The following HSD17B12 variants were observed in gnomAD, a reference collection of about 807,000 sequenced individuals.
HSD17B12 encodes hydroxysteroid 17-beta dehydrogenase 12, also known as very-long-chain 3-oxoacyl-CoA reductase.
HSD17B12 carries 32 observed loss-of-function variants against 39.3 expected under a neutral mutation model. The ratio of observed to expected loss-of-function variants is 0.81; its 90% CI spans 0.61 to 1.09. The LOEUF (loss-of-function observed/expected upper bound fraction) is 1.09. Ranked by LOEUF, HSD17B12 falls within the 50% of genes least tolerant of loss-of-function variation. The pLI is 0.00. For missense variants in HSD17B12, 342 were observed against 382.9 expected (o/e 0.89, Z 0.89); for synonymous variants, 150 against 146.7 (o/e 1.02, Z -0.16).
intron 1 of HSD17B12, among the ~76,000 whole-genome samples, chr11:43,684,855 C>G (rs1298653045): frequency 6.6e-6 from 1 of 152,196 alleles, no homozygotes; most frequent in Non-Finnish European, 1.5e-5. Context: ...GCCCTTCACT[C>G]CCTGACCCCC....
chr11:43,618,339 T>C, the HSD17B12 span, among the ~76,000 whole-genome samples: 1 of 152,210 alleles, frequency 6.6e-6, no homozygotes, highest in Non-Finnish European at 1.5e-5. Context: ...CTTGTCCTGG[T>C]TGAAGAAGAA....
At chr11:43,675,128 TACTAATGA>T in the HSD17B12 span, among the ~76,000 whole-genome samples, 1 of 152,238 alleles carries the variant, frequency 6.6e-6, no homozygotes, top group Non-Finnish European at 1.5e-5. Flanking sequence ...AAGTTCACTG[TACTAATGA>T]ACTTACATTC....
At chr11:43,588,703 G>T in the HSD17B12 span, among the ~76,000 whole-genome samples, 5 of 150,922 alleles carry the variant, frequency 3.3e-5, no homozygotes, top group African/African-American at 4.9e-5. Flanking sequence ...AGCATAAGCA[G>T]CTATAGGACC....
At chr11:43,825,826 A>T (rs745808930) in intron 6 of HSD17B12, among the ~76,000 whole-genome samples, 1 of 152,224 alleles carries the variant, frequency 6.6e-6, no homozygotes, top group Non-Finnish European at 1.5e-5. Context: ...TCCAAAAATG[A>T]GAGAGTAGTT....
the HSD17B12 span, among the ~76,000 whole-genome samples, chr11:43,596,595 G>A: frequency 6.6e-6 from 1 of 151,684 alleles, no homozygotes; most frequent in South Asian, 2.1e-4. Context: ...ATGATACCTG[G>A]CTAATTTTTT....
intron 9 of HSD17B12, among the ~76,000 whole-genome samples, chr11:43,844,560 CAA>C (rs796417997): frequency 1.2e-4 from 15 of 127,660 alleles, no homozygotes; most frequent in Non-Finnish European, 1.2e-4. Flanking sequence ...AAAGTCCAGT[CAA>C]AAAAAAAAAA....
At chr11:43,795,748 T>G (rs2135040082) in intron 3 of HSD17B12, among the ~76,000 whole-genome samples, 1 of 152,318 alleles carries the variant, frequency 6.6e-6, no homozygotes, top group South Asian at 2.1e-4. Context: ...GTGCCATTGT[T>G]GAGCAACTGA....
chr11:43,680,755 G>T lies in HSD17B12; in HGVS notation c.-73G>T. On this transcript the variant is annotated 5_prime_UTR_variant, in exon 1 of 11. Transcript: ENST00000278353. ...CTATTAGTGTCATCCTCACCGTCAC[G>T]GCCGGCGCCTCCTCCTGGATTCATT... 7.2e-7 allele frequency: 1 copy of T among 1,384,128 alleles called. No individual in the cohort carries two copies. Among genetic ancestry groups the T allele is most frequent in the East Asian group, 2.3e-5 (1 of 43,338 alleles). The allele number at this position is 1,384,128 out of a possible 1,614,324, so 85.7% of individuals were successfully genotyped here.
At chr11:43,750,394 T>C (rs1950454983) in intron 1 of HSD17B12, among the ~76,000 whole-genome samples, 1 of 152,196 alleles carries the variant, frequency 6.6e-6, no homozygotes, top group Admixed American at 6.5e-5. Context: ...TATTTTCTTT[T>C]TTATTGCTGT....
At chr11:43,578,185 G>A in the HSD17B12 span, among the ~76,000 whole-genome samples, 4 of 152,300 alleles carry the variant, frequency 2.6e-5, no homozygotes, top group African/African-American at 9.6e-5. Context: ...TGTACGTGCA[G>A]GAATATTTTA....
At position 43,855,247 on chromosome 11, in the gene HSD17B12, A is replaced by T; in HGVS notation, c.938A>T (p.Ter313LeuextTer7). 1 of 1,584,848 alleles carries T rather than the reference A, an allele frequency of 6.3e-7. No homozygotes were observed. Among genetic ancestry groups the T allele is most frequent in the Non-Finnish European group, 8.6e-7 (1 of 1,158,158 alleles). ...AHYLKKTKKN[*>L] ...TATCTGAAGAAAACCAAGAAGAACT[A>T]AGCATTGATAACTGCATTGTAACTT... Residue 313 changes from the stop codon to leucine, a stop_lost, in exon 11 of 11, where the codon TAA becomes TTA. Transcript: ENST00000278353.
the HSD17B12 span, among the ~76,000 whole-genome samples, chr11:43,672,032 G>C: frequency 6.6e-6 from 1 of 152,088 alleles, no homozygotes; most frequent in African/African-American, 2.4e-5. Flanking sequence ...AGAGTAGAAA[G>C]AGCCCTTCTT....
At chr11:43,824,875 A>G (rs2095349132) in intron 6 of HSD17B12, among the ~76,000 whole-genome samples, 2 of 152,106 alleles carry the variant, frequency 1.3e-5, no homozygotes, top group African/African-American at 4.8e-5. Flanking sequence ...ACGTGCCTGT[A>G]ATCCCAGCTA....
At chr11:43,650,872 G>A in the HSD17B12 span, among the ~76,000 whole-genome samples, 2 of 152,172 alleles carry the variant, frequency 1.3e-5, no homozygotes, top group Admixed American at 6.5e-5. Flanking sequence ...TTTATATTTT[G>A]CAGCATTCTG....
At chr11:43,843,601 A>G (rs1951447029) in intron 9 of HSD17B12, among the ~76,000 whole-genome samples, 1 of 152,050 alleles carries the variant, frequency 6.6e-6, no homozygotes, top group African/African-American at 2.4e-5. Context: ...TGAAGTGCCC[A>G]TGACTGGCTC....
chr11:43,654,997 G>C, the HSD17B12 span, among the ~76,000 whole-genome samples: 2 of 152,176 alleles, frequency 1.3e-5, no homozygotes, highest in African/African-American at 4.8e-5. Flanking sequence ...ACCTTGGGCA[G>C]TATGGCCATT....
chr11:43,651,319 C>G, the HSD17B12 span, among the ~76,000 whole-genome samples: 1 of 152,154 alleles, frequency 6.6e-6, no homozygotes, highest in Non-Finnish European at 1.5e-5. Context: ...TGCTGGAGGT[C>G]AAACAATACT....
chr11:43,842,548 C>A (rs1951436834), intron 9 of HSD17B12, among the ~76,000 whole-genome samples: 1 of 152,104 alleles, frequency 6.6e-6, no homozygotes, highest in Non-Finnish European at 1.5e-5. Context: ...TTCCTTGACA[C>A]CAGTCATTTT....
At chr11:43,659,998 C>T in the HSD17B12 span, among the ~76,000 whole-genome samples, 2 of 152,146 alleles carry the variant, frequency 1.3e-5, no homozygotes, top group Non-Finnish European at 2.9e-5. Context: ...TGAAATCACT[C>T]CACGCCTGCT....
Sources: allele counts gnomAD v4.1 joint callset (sites outside exome capture counted in the v4.1 genomes callset), GRCh38; gene constraint gnomAD v4.1.1; transcripts MANE v1.5; gene names NCBI Gene and HGNC (gene_info 2026-07-23, HGNC 2026-07-21).